Variants in DDHD1 observed in about 807,000 individuals in gnomAD.
DDHD1 encodes the protein DDHD domain containing 1.
Under a neutral mutation model 96.4 loss-of-function variants are expected in DDHD1, and 49 were observed. That is an observed-to-expected ratio of 0.51 (90% CI 0.40 to 0.64). The LOEUF (loss-of-function observed/expected upper bound fraction) is 0.64. Among genes scored for constraint, DDHD1 ranks in the 30% least tolerant of loss-of-function variants. The pLI, the probability that DDHD1 is intolerant of heterozygous loss-of-function variation, is 0.00. For synonymous variants in DDHD1, 442 were observed against 446.5 expected (o/e 0.99, Z 0.13); for missense variants, 1,106 against 1,161.2 (o/e 0.95, Z 0.69).
chr14:53,126,745 T>C (rs1012362735), intron 1 of DDHD1, among the ~76,000 whole-genome samples: 9 of 152,230 alleles, frequency 5.9e-5, no homozygotes, highest in African/African-American at 2.2e-4. Context: ...GAAGTGGTCA[T>C]TCCCATCTTT....
chr14:53,086,620 C>G (rs1409079308), intron 4 of DDHD1, among the ~76,000 whole-genome samples: 1 of 152,110 alleles, frequency 6.6e-6, no homozygotes, highest in Admixed American at 6.6e-5. Context: ...CTGTCACCCC[C>G]GGGCCTGCCT....
At chr14:53,079,184 T>C (rs10873066) in intron 4 of DDHD1, among the ~76,000 whole-genome samples, 111,292 of 152,088 alleles carry the variant, frequency 0.73, 43,564 homozygotes, top group East Asian at 0.96. Context: ...ATGCTTTCAT[T>C]GGTTTTTGGT....
intron 1 of DDHD1, among the ~76,000 whole-genome samples, chr14:53,141,273 G>C (rs144657317): frequency 3.2e-4 from 48 of 152,314 alleles, no homozygotes; most frequent in Non-Finnish European, 6.3e-4. Flanking sequence ...AACTCCCCTA[G>C]AATCTCTTGA....
At chr14:53,083,403 TA>T (rs1328149526) in intron 4 of DDHD1, among the ~76,000 whole-genome samples, 1 of 152,226 alleles carries the variant, frequency 6.6e-6, no homozygotes, top group Non-Finnish European at 1.5e-5. Flanking sequence ...AATTCAATTG[TA>T]TTTAAAATGC....
At chr14:53,139,694 A>C (rs975708935) in intron 1 of DDHD1, among the ~76,000 whole-genome samples, 3 of 152,082 alleles carry the variant, frequency 2.0e-5, no homozygotes, top group Non-Finnish European at 4.4e-5. Flanking sequence ...TCAAAACAAA[A>C]ACAAAAACAA....
At chr14:53,100,016 C>A (rs1887180396) in intron 2 of DDHD1, among the ~76,000 whole-genome samples, 1 of 151,880 alleles carries the variant, frequency 6.6e-6, no homozygotes, top group South Asian at 2.1e-4. Flanking sequence ...GTTGGCACTC[C>A]TGATCTGCAG....
At chr14:53,078,519 TG>T (rs530806784) in intron 4 of DDHD1, among the ~76,000 whole-genome samples, 137 of 152,324 alleles carry the variant, frequency 9.0e-4, no homozygotes, top group East Asian at 1.2e-3. Context: ...TTATATATCC[TG>T]GATCCTAGAC....
intron 4 of DDHD1, among the ~76,000 whole-genome samples, chr14:53,074,694 T>C (rs1884802605): frequency 6.6e-6 from 1 of 152,160 alleles, no homozygotes; most frequent in African/African-American, 2.4e-5. Context: ...GACATGTCTC[T>C]ACTATAGGCT....
At chr14:53,092,044 G>A in intron 3 of DDHD1, 112 bp from the exon 4 acceptor site, 3 of 1,020,070 alleles carry the variant, frequency 2.9e-6, no homozygotes, top group Non-Finnish European at 4.2e-6. Flanking sequence ...AAATTTCACT[G>A]GCTGTGGGGG....
chr14:53,109,263 C>T (rs1887928207), intron 1 of DDHD1, among the ~76,000 whole-genome samples: 1 of 152,148 alleles, frequency 6.6e-6, no homozygotes, highest in Admixed American at 6.6e-5. Flanking sequence ...CTGCTTGTGG[C>T]CCCTCTCACT....
chr14:53,114,110 G>A (rs886084070), intron 1 of DDHD1, among the ~76,000 whole-genome samples: 3 of 152,170 alleles, frequency 2.0e-5, no homozygotes, highest in Admixed American at 6.5e-5. Flanking sequence ...GGCAGGTCTG[G>A]ACTGGGCGGA....
At chr14:53,152,124 A>AGTAGTGTAG in intron 1 of DDHD1, 137 bp downstream of exon 1, 2 of 842,756 alleles carry the variant, frequency 2.4e-6, no homozygotes, top group South Asian at 2.4e-5. Context: ...CTCCCTGCTC[A>AGTAGTGTAG]ATCTCCATCC....
At chr14:53,139,679 C>T (rs1890500803) in intron 1 of DDHD1, among the ~76,000 whole-genome samples, 1 of 151,976 alleles carries the variant, frequency 6.6e-6, no homozygotes, top group South Asian at 2.1e-4. Context: ...GAGTGAGACC[C>T]TGTCTCAAAA....
intron 1 of DDHD1, among the ~76,000 whole-genome samples, chr14:53,134,225 CT>C (rs1890069423): frequency 6.6e-6 from 1 of 152,122 alleles, no homozygotes; most frequent in South Asian, 2.1e-4. Flanking sequence ...CCATTCTCAA[CT>C]ACTCGTAAAT....
At chr14:53,130,806 G>C (rs1889812102) in intron 1 of DDHD1, among the ~76,000 whole-genome samples, 1 of 152,196 alleles carries the variant, frequency 6.6e-6, no homozygotes, top group South Asian at 2.1e-4. Flanking sequence ...CCAGAGCCCT[G>C]GAACTCTGGC....
chr14:53,097,340 A>G (rs1018536826), intron 2 of DDHD1, among the ~76,000 whole-genome samples: 1 of 152,036 alleles, frequency 6.6e-6, no homozygotes, highest in Non-Finnish European at 1.5e-5. Context: ...CACAATAACT[A>G]TATCTATATG....
Position 53,063,017 on chromosome 14 carries a change from T to C in DDHD1, c.1692A>G (p.Glu564=), listed in dbSNP as rs750226431. The C allele has an allele frequency of 1.1e-5, 18 of 1,613,758 alleles. No homozygotes were observed. The highest frequency in any genetic ancestry group is 6.8e-6 in the Non-Finnish European group (8 of 1,179,912). Residue 564 remains glutamate, a synonymous_variant, in exon 7 of 13, where the codon GAA becomes GAG. Coordinates refer to ENST00000673822, the MANE Select transcript of DDHD1 (RefSeq NM_001160148.2). ...TCATCCATCGTTCATCAGGCAACTCTTCTTCCTTTTGCAGCAACTGTTCAT... is the reference window on the plus strand; with the variant it reads ...TCATCCATCGTTCATCAGGCAACTCCTCTTCCTTTTGCAGCAACTGTTCAT... ...RLYEQLLQKE[E]ELPDERWMSY... is the part of the protein sequence containing the mutation.
At chr14:53,082,286 T>C (rs957509427) in intron 4 of DDHD1, among the ~76,000 whole-genome samples, 11 of 152,094 alleles carry the variant, frequency 7.2e-5, no homozygotes, top group Non-Finnish European at 1.6e-4. Flanking sequence ...CTGAGGATCA[T>C]TAAATAGCTG....
At chr14:53,124,704 T>C (rs926428907) in intron 1 of DDHD1, among the ~76,000 whole-genome samples, 3 of 152,250 alleles carry the variant, frequency 2.0e-5, no homozygotes, top group African/African-American at 7.2e-5. Flanking sequence ...GTAAGGGTTT[T>C]AAAACCTGCA....
Sources: allele counts gnomAD v4.1 joint callset (sites outside exome capture counted in the v4.1 genomes callset), GRCh38; gene constraint gnomAD v4.1.1; transcripts MANE v1.5; gene names NCBI Gene and HGNC (gene_info 2026-07-23, HGNC 2026-07-21).